IQGAP2: variants seen among roughly 807,000 people sequenced by gnomAD.
IQGAP2 encodes ras GTPase-activating-like protein IQGAP2.
Under a neutral mutation model 201.3 loss-of-function variants are expected in IQGAP2, and 173 were observed. The observed-to-expected ratio is 0.86, with a 90% confidence interval of 0.76 to 0.98. The LOEUF is 0.98. IQGAP2 is among the 50% of genes least tolerant of loss of function. The pLI is 0.00. For synonymous variants in IQGAP2, 675 were observed against 673.9 expected, an observed-to-expected ratio of 1.00 and a Z score of -0.03; for missense variants, 1,687 against 1,864.8, an observed-to-expected ratio of 0.90 and a Z score of 1.76.
intron 5 of IQGAP2, among the ~76,000 whole-genome samples, chr5:76,587,949 CAAAAAAAAAA>C (rs768707380): frequency 1.1e-5 from 1 of 90,448 alleles, no homozygotes; most frequent in African/African-American, 4.0e-5. Context: ...CTGTCTCAAC[CAAAAAAAAAA>C]AAAAAAAATC....
chr5:76,563,903 A>G (rs935990585), intron 3 of IQGAP2, among the ~76,000 whole-genome samples: 1 of 152,204 alleles, frequency 6.6e-6, no homozygotes, highest in Admixed American at 6.5e-5. Context: ...TTAAATATGT[A>G]TATTAAATAC....
At chr5:76,507,059 C>T (rs774550507) in intron 2 of IQGAP2, among the ~76,000 whole-genome samples, 2 of 152,132 alleles carry the variant, frequency 1.3e-5, no homozygotes, top group African/African-American at 4.8e-5. Context: ...ATAGCCAATA[C>T]AATATTGAAG....
At chr5:76,675,717 T>G (rs1311234608) in intron 27 of IQGAP2, among the ~76,000 whole-genome samples, 1 of 152,218 alleles carries the variant, frequency 6.6e-6, no homozygotes, top group East Asian at 1.9e-4. Flanking sequence ...TCGGTCTCCC[T>G]TGGAGTGAGT....
At position 76,671,779 on chromosome 5, in the gene IQGAP2, A is replaced by G. The variant is rs777424257; in HGVS notation, c.2864A>G (p.Gln955Arg). 4.3e-6 allele frequency: 7 copies of G among 1,613,786 alleles called. No homozygotes were observed. The highest frequency in any genetic ancestry group is 3.3e-5 in the Admixed American group (2 of 59,988). The change falls in exon 24 of 36, where the codon CAG (glutamine) becomes CGG (arginine). Residue 955 changes from glutamine to arginine, a missense_variant. Coordinates refer to ENST00000274364, the MANE Select transcript of IQGAP2 (RefSeq NM_006633.5). The stretch of plus-strand genomic sequence containing the variant: ...TTTAGATCAAAAGTGGACCAGGTAC[A>G]GGACATAGTTACTGGTAACCCTACA... ...EEIKSKVDQVQDIVTGNPTVI... is the reference protein window; with the variant it reads ...EEIKSKVDQVRDIVTGNPTVI...
intron 29 of IQGAP2, 56 bp downstream of exon 29, chr5:76,683,273 G>A: frequency 8.1e-7 from 1 of 1,234,752 alleles, no homozygotes; most frequent in Non-Finnish European, 1.2e-6. Context: ...GGGTGGGTTG[G>A]TTGGTTGGTT....
chr5:76,513,685 C>T (rs1210387897), intron 2 of IQGAP2, among the ~76,000 whole-genome samples: 1 of 152,128 alleles, frequency 6.6e-6, no homozygotes, highest in African/African-American at 2.4e-5. Flanking sequence ...GTAAAAGGAT[C>T]AGTGGTTGCC....
At chr5:76,568,895 G>A (rs72777513) in intron 3 of IQGAP2, among the ~76,000 whole-genome samples, 2,974 of 152,222 alleles carry the variant, frequency 0.02, 33 homozygotes, top group Non-Finnish European at 0.026. Flanking sequence ...TGGCACAGAG[G>A]GTTCTCATAC....
At chr5:76,503,293 C>T (rs567716156) in intron 2 of IQGAP2, among the ~76,000 whole-genome samples, 1 of 151,158 alleles carries the variant, frequency 6.6e-6, no homozygotes, top group Admixed American at 6.6e-5. Context: ...CCTGCCTCAG[C>T]CTCCTGAGTA....
intron 22 of IQGAP2, among the ~76,000 whole-genome samples, chr5:76,667,797 T>C (rs1055780483): frequency 2.0e-5 from 3 of 152,038 alleles, no homozygotes; most frequent in Non-Finnish European, 4.4e-5. Flanking sequence ...TTCTTTCCAG[T>C]CTGACAAGAT....
chr5:76,550,817 T>A (rs1026530411), intron 2 of IQGAP2, among the ~76,000 whole-genome samples: 1 of 152,248 alleles, frequency 6.6e-6, no homozygotes, highest in Admixed American at 6.5e-5. Flanking sequence ...CCTTTTCTAT[T>A]TGACAAAACC....
At chr5:76,548,036 C>T (rs182468292) in intron 2 of IQGAP2, among the ~76,000 whole-genome samples, 2 of 152,148 alleles carry the variant, frequency 1.3e-5, no homozygotes, top group Non-Finnish European at 2.9e-5. Context: ...CTTTTAATTT[C>T]ATTTTGTTAA....
At chr5:76,417,090 C>G (rs1035645208) in intron 1 of IQGAP2, among the ~76,000 whole-genome samples, 4 of 152,008 alleles carry the variant, frequency 2.6e-5, no homozygotes, top group African/African-American at 9.7e-5. Flanking sequence ...TTATGTTTAC[C>G]CTGTCTCAAA....
At chr5:76,653,982 G>T (rs1752711297) in intron 18 of IQGAP2, among the ~76,000 whole-genome samples, 1 of 152,190 alleles carries the variant, frequency 6.6e-6, no homozygotes, top group Admixed American at 6.5e-5. Context: ...GTGAAATTTA[G>T]AGTAACATGT....
intron 1 of IQGAP2, among the ~76,000 whole-genome samples, chr5:76,413,410 C>A (rs186718947): frequency 6.6e-6 from 1 of 152,222 alleles, no homozygotes; most frequent in African/African-American, 2.4e-5. Flanking sequence ...CTCAGGTGAT[C>A]CATCCGTCTC....
At chr5:76,500,328 C>T (rs1409808379) in intron 2 of IQGAP2, among the ~76,000 whole-genome samples, 1 of 152,136 alleles carries the variant, frequency 6.6e-6, no homozygotes. Context: ...AGATGTTCTT[C>T]CCATAGCTAG....
intron 13 of IQGAP2, chr5:76,623,351 G>T: frequency 8.5e-7 from 1 of 1,173,802 alleles, no homozygotes; most frequent in Non-Finnish European, 1.2e-6. Flanking sequence ...GTAGAAGTTT[G>T]CTCTCCTGTG....
chr5:76,414,060 C>G (rs1198611692), intron 1 of IQGAP2, among the ~76,000 whole-genome samples: 3 of 152,140 alleles, frequency 2.0e-5, no homozygotes, highest in Non-Finnish European at 2.9e-5. Context: ...ATGTTGAAGC[C>G]ATTAGGAATC....
At chr5:76,464,667 A>G (rs1754674844) in intron 2 of IQGAP2, among the ~76,000 whole-genome samples, 1 of 152,068 alleles carries the variant, frequency 6.6e-6, no homozygotes, top group Non-Finnish European at 1.5e-5. Flanking sequence ...TATATCTTTT[A>G]TTTTGGTTTT....
chr5:76,492,386 G>C (rs1450011903), intron 2 of IQGAP2, among the ~76,000 whole-genome samples: 7 of 152,232 alleles, frequency 4.6e-5, no homozygotes, highest in African/African-American at 1.7e-4. Flanking sequence ...AGAGGCTAAA[G>C]GGAAAGGTAG....
Sources: gnomAD v4.1 joint callset for allele counts (sites outside exome capture counted in the v4.1 genomes callset) on GRCh38, gnomAD v4.1.1 for gene constraint, MANE v1.5 for transcripts, NCBI Gene and HGNC (gene_info 2026-07-23, HGNC 2026-07-21) for gene names.